CNTN6: variants seen among roughly 807,000 people sequenced by gnomAD.
The protein encoded by CNTN6 is contactin 6.
CNTN6 carries 137 observed loss-of-function variants against 122.8 expected under a neutral mutation model. That is an observed-to-expected ratio of 1.12 (90% CI 0.97 to 1.29). The LOEUF is 1.29. CNTN6 is among the 50% of genes most tolerant of loss of function. CNTN6 has a pLI of 0.00. For missense variants in CNTN6, 1,634 were observed against 1,223.4 expected, an observed-to-expected ratio of 1.34 and a Z score of -5.01; for synonymous variants, 570 against 426.0, an observed-to-expected ratio of 1.34 and a Z score of -4.16.
chr3:1,198,930 G>A (rs2093819390), intron 2 of CNTN6, among the ~76,000 whole-genome samples: 1 of 152,140 alleles, frequency 6.6e-6, no homozygotes, highest in Non-Finnish European at 1.5e-5. Context: ...AGTGGCTGAT[G>A]TCTCTATGAG....
Position 1,383,010 on chromosome 3 carries a change from G to T in CNTN6, c.2235G>T (p.Ser745=), listed in dbSNP as rs376424291. The part of the protein sequence containing the change: ...GYIIMFRPVG[S]TTWSKEKVSS... ...TCATCATGTTCCGGCCAGTGGGCTC[G>T]ACAACCTGGTCCAAGGAGAAAGTGT... Residue 745 remains serine, a synonymous_variant, in exon 18 of 23, where the codon TCG becomes TCT. Coordinates refer to ENST00000446702, the MANE Select transcript of CNTN6 (RefSeq NM_001289080.2). 1.9e-6 allele frequency: 3 copies of T among 1,614,084 alleles called. No individual in the cohort carries two copies. The highest frequency in any genetic ancestry group is 2.5e-6 in the Non-Finnish European group (3 of 1,179,948).
At chr3:1,310,903 A>C (rs1232023522) in intron 7 of CNTN6, among the ~76,000 whole-genome samples, 3 of 152,056 alleles carry the variant, frequency 2.0e-5, no homozygotes, top group African/African-American at 7.2e-5. Context: ...CAGGTGGCTG[A>C]AGCAGGAGAA....
chr3:1,310,614 T>C (rs1453425504), intron 7 of CNTN6, among the ~76,000 whole-genome samples: 1 of 152,176 alleles, frequency 6.6e-6, no homozygotes, highest in East Asian at 1.9e-4. Flanking sequence ...GGCATTATGG[T>C]AATTTGGCCT....
intron 2 of CNTN6, among the ~76,000 whole-genome samples, chr3:1,164,241 G>A (rs570745933): frequency 6.6e-6 from 1 of 152,314 alleles, no homozygotes; most frequent in African/African-American, 2.4e-5. Context: ...TCCAGTTTTA[G>A]AGGCAACAGT....
chr3:1,308,816 T>A (rs533474491), intron 7 of CNTN6, among the ~76,000 whole-genome samples: 40 of 152,284 alleles, frequency 2.6e-4, no homozygotes, highest in African/African-American at 9.4e-4. Flanking sequence ...TTGTTTTGTT[T>A]TTTAGCCATT....
At chr3:1,348,452 C>G (rs1000504525) in intron 11 of CNTN6, among the ~76,000 whole-genome samples, 1 of 151,912 alleles carries the variant, frequency 6.6e-6, no homozygotes, top group African/African-American at 2.4e-5. Context: ...GCCACATAAA[C>G]TAAGAATCTT....
intron 11 of CNTN6, among the ~76,000 whole-genome samples, chr3:1,336,197 T>G (rs1013675078): frequency 1.3e-5 from 2 of 151,996 alleles, no homozygotes; most frequent in African/African-American, 4.8e-5. Context: ...AAAATACAGC[T>G]AAATGTCAGA....
chr3:1,207,816 A>G (rs1025893878), intron 2 of CNTN6, among the ~76,000 whole-genome samples: 3 of 151,994 alleles, frequency 2.0e-5, no homozygotes, highest in African/African-American at 4.8e-5. Flanking sequence ...AATTAAATTT[A>G]TATCTCCTCT....
At chr3:1,258,125 G>T (rs1398693957) in intron 4 of CNTN6, among the ~76,000 whole-genome samples, 1 of 152,130 alleles carries the variant, frequency 6.6e-6, no homozygotes, top group Admixed American at 6.6e-5. Context: ...TAACAACAAA[G>T]CCAATTCTGG....
intron 1 of CNTN6, among the ~76,000 whole-genome samples, chr3:1,147,437 G>C (rs2125167830): frequency 6.6e-6 from 1 of 152,122 alleles, no homozygotes; most frequent in South Asian, 2.1e-4. Context: ...AGTTTATTCT[G>C]AGCTTATTCT....
chr3:1,167,631 G>A (rs2125277832), intron 2 of CNTN6, among the ~76,000 whole-genome samples: 1 of 152,232 alleles, frequency 6.6e-6, no homozygotes, highest in East Asian at 1.9e-4. Flanking sequence ...CCCTCAGGTG[G>A]GCAAATTGTA....
Position 1,211,162 on chromosome 3 carries a change from C to T in CNTN6, c.56-9525C>T, listed in dbSNP as rs533074843. 1.2e-4 allele frequency among the ~76,000 whole-genome samples: 19 copies of T among 152,264 alleles called. No homozygotes were observed. In the East Asian group the frequency reaches 2.7e-3, roughly 22 times the overall value. On this transcript the variant is annotated intron_variant, in intron 2 of 22. Coordinates refer to ENST00000446702, the MANE Select transcript of CNTN6 (RefSeq NM_001289080.2). ...GATATTCTGGAGGTTCCAGGAGCCA[C>T]GGTGGGGAAATATATTGGGAGCAAC...
At chr3:1,247,107 C>G (rs1316974588) in intron 4 of CNTN6, among the ~76,000 whole-genome samples, 1 of 151,964 alleles carries the variant, frequency 6.6e-6, no homozygotes, top group East Asian at 1.9e-4. Context: ...ATCATATTTT[C>G]CTGTTATCTT....
At chr3:1,122,226 T>C (rs1325940738) in intron 1 of CNTN6, among the ~76,000 whole-genome samples, 2 of 151,000 alleles carry the variant, frequency 1.3e-5, no homozygotes, top group African/African-American at 4.9e-5. Context: ...TACCACAGTA[T>C]GACCCCAACC....
At chr3:1,278,382 A>G (rs1683554364) in intron 4 of CNTN6, 31 bp from the exon 5 acceptor site, 2 of 1,403,054 alleles carry the variant, frequency 1.4e-6, no homozygotes, top group African/African-American at 1.4e-5. Flanking sequence ...AAAGTAACTA[A>G]TTATAAATCT....
intron 5 of CNTN6, among the ~76,000 whole-genome samples, chr3:1,289,962 ATG>A (rs1559723481): frequency 4.0e-4 from 61 of 151,950 alleles, no homozygotes; most frequent in African/African-American, 1.3e-3. Context: ...GCGTGAGCCA[ATG>A]CGCCCGGCGA....
chr3:1,216,295 TATTTCACCAGTAA>T (rs1375613548), intron 2 of CNTN6, among the ~76,000 whole-genome samples: 1 of 152,232 alleles, frequency 6.6e-6, no homozygotes, highest in African/African-American at 2.4e-5. Context: ...AGAATGCTGT[TATTTCACCAGTAA>T]ATCCTATAGG....
intron 4 of CNTN6, among the ~76,000 whole-genome samples, chr3:1,245,294 ACATATAT>A: frequency 4.2e-4 from 1 of 2,368 alleles, no homozygotes; most frequent in Non-Finnish European, 1.0e-3. Flanking sequence ...TATATATATA[ACATATAT>A]ATATATATAT....
At chr3:1,396,107 T>C (rs1487586004) in intron 20 of CNTN6, among the ~76,000 whole-genome samples, 2 of 152,316 alleles carry the variant, frequency 1.3e-5, no homozygotes, top group Admixed American at 6.5e-5. Context: ...TTGTCTCCTC[T>C]ATTCCAGAGA....
Sources: gnomAD v4.1 joint callset for allele counts (sites outside exome capture counted in the v4.1 genomes callset) on GRCh38, gnomAD v4.1.1 for gene constraint, MANE v1.5 for transcripts, NCBI Gene and HGNC (gene_info 2026-07-23, HGNC 2026-07-21) for gene names.